The following ATG4C variants were observed in gnomAD, a reference collection of about 807,000 sequenced individuals.
ATG4C encodes cysteine protease ATG4C.
Under a neutral mutation model 57.6 loss-of-function variants are expected in ATG4C, and 56 were observed. That is an observed-to-expected ratio of 0.97 (90% CI 0.78 to 1.21). ATG4C has a LOEUF of 1.21. Among genes scored for constraint, ATG4C ranks in the 50% most tolerant of loss-of-function variants. The pLI, the probability that ATG4C is intolerant of heterozygous loss-of-function variation, is 0.00. For synonymous variants in ATG4C, 157 were observed against 174.1 expected, an observed-to-expected ratio of 0.90 and a Z score of 0.78; for missense variants, 595 against 529.8, an observed-to-expected ratio of 1.12 and a Z score of -1.21.
intron 1 of ATG4C, among the ~76,000 whole-genome samples, chr1:62,787,781 G>T (rs1664140549): frequency 6.6e-6 from 1 of 151,378 alleles, no homozygotes; most frequent in Non-Finnish European, 1.5e-5. Flanking sequence ...TAGAATTGTT[G>T]TGAGAATTAA....
rs181594602 is a variant in ATG4C, at chr1:62,803,495, T to C, written c.-68-224T>C. On this transcript the variant is annotated intron_variant, in intron 1 of 10. Coordinates refer to ENST00000317868, the MANE Select transcript of ATG4C (RefSeq NM_032852.4). ...GATAGGTTTATTGTTGTATATTTGT[T>C]AGTAAAGGTTTTTTGTAATTAAAAT... Among the ~76,000 whole-genome samples, 226 of 152,222 alleles carry C rather than the reference T, an allele frequency of 1.5e-3. 2 individuals are homozygous for C. The highest frequency in any genetic ancestry group is 1.1e-3 in the Non-Finnish European group (72 of 68,010).
chr1:62,860,950 C>T (rs1666832963), intron 10 of ATG4C, among the ~76,000 whole-genome samples: 1 of 152,160 alleles, frequency 6.6e-6, no homozygotes, highest in South Asian at 2.1e-4. Flanking sequence ...AACTTCTGTC[C>T]TCCAGCTTTT....
Position 62,803,812 on chromosome 1 carries a change from T to C in ATG4C, c.26T>C (p.Val9Ala). The C allele has an allele frequency of 6.2e-7, 1 of 1,607,246 alleles. No homozygotes were observed. The highest frequency in any genetic ancestry group is 1.1e-5 in the South Asian group (1 of 90,162). MEATGTDE[V>A]DKLKTKFISA... Reference sequence around the variant, plus strand: ...ATGGAGGCTACAGGAACAGATGAAGTTGACAAGCTAAAAACCAAATTTATA... The same window carrying C: ...ATGGAGGCTACAGGAACAGATGAAGCTGACAAGCTAAAAACCAAATTTATA... The change falls in exon 2 of 11, where the codon GTT becomes GCT. Residue 9 changes from valine to alanine, a missense_variant. Physicochemically the swap from Val to Ala is moderately conservative, Grantham distance 64 (BLOSUM62 0). Transcript: ENST00000317868.
chr1:62,830,277 G>A (rs1259973045), intron 7 of ATG4C, among the ~76,000 whole-genome samples: 3 of 152,094 alleles, frequency 2.0e-5, no homozygotes, highest in African/African-American at 7.2e-5. Context: ...GGTTATTGGT[G>A]CAGTATGAGA....
At chr1:62,796,734 A>G (rs988372122) in intron 1 of ATG4C, among the ~76,000 whole-genome samples, 1 of 152,178 alleles carries the variant, frequency 6.6e-6, no homozygotes, top group African/African-American at 2.4e-5. Flanking sequence ...ATGTTTTTTA[A>G]AAGATGCTCA....
At chr1:62,793,030 G>A (rs1245324004) in intron 1 of ATG4C, among the ~76,000 whole-genome samples, 1 of 151,836 alleles carries the variant, frequency 6.6e-6, no homozygotes, top group Non-Finnish European at 1.5e-5. Context: ...GGGACTACAG[G>A]CGCCTGCCAC....
intron 6 of ATG4C, among the ~76,000 whole-genome samples, chr1:62,828,700 G>A (rs773953571): frequency 3.2e-4 from 49 of 152,156 alleles, no homozygotes; most frequent in African/African-American, 7.7e-4. Context: ...GATTGTTTTC[G>A]GTATCTTTGT....
At chr1:62,788,430 T>TAC (rs10671530) in intron 1 of ATG4C, among the ~76,000 whole-genome samples, 3,893 of 146,478 alleles carry the variant, frequency 0.027, 70 homozygotes, top group East Asian at 0.046. Context: ...TCTCTATAAA[T>TAC]ACACACACAC....
intron 7 of ATG4C, among the ~76,000 whole-genome samples, chr1:62,831,511 T>C (rs182001402): frequency 5.9e-4 from 90 of 152,298 alleles, no homozygotes; most frequent in Middle Eastern, 3.4e-3. Context: ...AAATTTGTTG[T>C]GTGCTTTATT....
At chr1:62,800,181 C>A (rs994823104) in intron 1 of ATG4C, among the ~76,000 whole-genome samples, 12 of 152,132 alleles carry the variant, frequency 7.9e-5, no homozygotes, top group Admixed American at 6.6e-4. Context: ...AAAAAGTCTT[C>A]CCTGTGGCCT....
At chr1:62,799,695 G>T (rs1185762720) in intron 1 of ATG4C, among the ~76,000 whole-genome samples, 1 of 152,076 alleles carries the variant, frequency 6.6e-6, no homozygotes, top group East Asian at 1.9e-4. Context: ...ATATAGACAT[G>T]AAATGTGTCA....
At chr1:62,789,263 A>C (rs1476850825) in intron 1 of ATG4C, among the ~76,000 whole-genome samples, 2 of 151,874 alleles carry the variant, frequency 1.3e-5, no homozygotes, top group Non-Finnish European at 2.9e-5. Flanking sequence ...TTTTTTTCAA[A>C]ATCTATGCAG....
At chr1:62,853,384 A>T (rs1666579906) in intron 10 of ATG4C, among the ~76,000 whole-genome samples, 1 of 152,240 alleles carries the variant, frequency 6.6e-6, no homozygotes, top group South Asian at 2.1e-4. Context: ...CATTATGAGG[A>T]TTAAAGATTT....
At chr1:62,835,108 AAATG>A (rs1328139159) in intron 9 of ATG4C, among the ~76,000 whole-genome samples, 2 of 151,842 alleles carry the variant, frequency 1.3e-5, no homozygotes, top group Non-Finnish European at 2.9e-5. Flanking sequence ...ATACTAAAAT[AAATG>A]ATCAAGTCTC....
At chr1:62,855,138 G>A (rs2100362385) in intron 10 of ATG4C, among the ~76,000 whole-genome samples, 1 of 152,230 alleles carries the variant, frequency 6.6e-6, no homozygotes, top group Admixed American at 6.5e-5. Flanking sequence ...CAGTTTCCTT[G>A]TTTTTAGTTT....
chr1:62,798,005 A>G (rs891696717), intron 1 of ATG4C, among the ~76,000 whole-genome samples: 2 of 152,036 alleles, frequency 1.3e-5, no homozygotes, highest in Admixed American at 6.5e-5. Flanking sequence ...TATTTTTAGT[A>G]GAGACGAGGT....
intron 3 of ATG4C, among the ~76,000 whole-genome samples, chr1:62,813,620 G>A (rs1407679014): frequency 6.6e-6 from 1 of 152,142 alleles, no homozygotes; most frequent in Non-Finnish European, 1.5e-5. Context: ...AAACTAAAGA[G>A]CTTCTGCACA....
intron 3 of ATG4C, among the ~76,000 whole-genome samples, chr1:62,810,767 A>G (rs1004369716): frequency 6.6e-6 from 1 of 151,502 alleles, no homozygotes; most frequent in African/African-American, 2.4e-5. Context: ...TCTGAGTGCA[A>G]AGGTGCTTTG....
intron 10 of ATG4C, among the ~76,000 whole-genome samples, chr1:62,842,468 A>T (rs1371736457): frequency 6.6e-6 from 1 of 151,848 alleles, no homozygotes; most frequent in African/African-American, 2.4e-5. Flanking sequence ...TGCCTGGCTA[A>T]TTTTGTAATT....
Sources: gnomAD v4.1 joint callset for allele counts (sites outside exome capture counted in the v4.1 genomes callset) on GRCh38, gnomAD v4.1.1 for gene constraint, MANE v1.5 for transcripts, NCBI Gene and HGNC (gene_info 2026-07-23, HGNC 2026-07-21) for gene names.